Variants in PHF20 observed in about 807,000 individuals in gnomAD.
The protein encoded by PHF20 is glioma-expressed antigen 2.
Under a neutral mutation model 113.5 loss-of-function variants are expected in PHF20, and 23 were observed. The observed-to-expected ratio is 0.20, with a 90% CI of 0.15 to 0.29. The LOEUF is 0.29. Ranked by LOEUF, PHF20 falls within the 10% of genes least tolerant of loss-of-function variation. PHF20 has a pLI of 1.00. For synonymous variants in PHF20, 434 were observed against 457.3 expected (o/e 0.95, Z 0.65); for missense variants, 943 against 1,219.6 (o/e 0.77, Z 3.38).
At chr20:35,792,781 C>G (rs1452866913) in intron 1 of PHF20, among the ~76,000 whole-genome samples, 2 of 152,084 alleles carry the variant, frequency 1.3e-5, no homozygotes, top group East Asian at 3.8e-4. Flanking sequence ...ACCACCATTG[C>G]CATCACCAGT....
At chr20:35,799,043 C>T (rs577626940) in intron 1 of PHF20, among the ~76,000 whole-genome samples, 3 of 152,174 alleles carry the variant, frequency 2.0e-5, no homozygotes, top group African/African-American at 7.2e-5. Flanking sequence ...TAGACATGTA[C>T]TCACTTCTGT....
Position 35,940,946 on chromosome 20 carries a change from T to C in PHF20, c.2795T>C (p.Leu932Pro). ...KLLDRGGEGL[L>P]SSQHQWQFNL... ...CTGGACAGAGGTGGAGAGGGGCTGCTGAGCTCCCAGCACCAGTGGCAGTTT... is the reference window on the plus strand; with the variant it reads ...CTGGACAGAGGTGGAGAGGGGCTGCCGAGCTCCCAGCACCAGTGGCAGTTT... The change falls in exon 17 of 18, where the codon CTG (leucine) becomes CCG (proline). Residue 932 changes from leucine (L) to proline (P), a missense_variant. Leu to Pro is a moderately conservative substitution (Grantham distance 98, BLOSUM62 -3). Coordinates refer to ENST00000374012, the MANE Select transcript of PHF20 (RefSeq NM_016436.5). 1 of 1,614,214 alleles carries C rather than the reference T, an allele frequency of 6.2e-7. No homozygotes were observed. The highest frequency in any genetic ancestry group is 8.5e-7 in the Non-Finnish European group (1 of 1,180,016).
At chr20:35,804,195 G>A (rs1365344261) in intron 2 of PHF20, among the ~76,000 whole-genome samples, 2 of 149,184 alleles carry the variant, frequency 1.3e-5, no homozygotes, top group Non-Finnish European at 3.0e-5. Context: ...CCTCAGCTGG[G>A]ATTACAGGTG....
At chr20:35,886,861 G>A (rs907236791) in intron 9 of PHF20, among the ~76,000 whole-genome samples, 62 of 152,334 alleles carry the variant, frequency 4.1e-4, no homozygotes, top group African/African-American at 1.4e-3. Flanking sequence ...AGGCCAAGCA[G>A]GGGTGTGAAC....
At chr20:35,919,240 C>A (rs1351805570) in intron 13 of PHF20, among the ~76,000 whole-genome samples, 1 of 152,062 alleles carries the variant, frequency 6.6e-6, no homozygotes, top group Non-Finnish European at 1.5e-5. Flanking sequence ...TTGTCTGGAA[C>A]TCCCGACCTC....
chr20:35,855,499 T>A (rs540289336), intron 4 of PHF20: 201 of 139,674 alleles, frequency 1.4e-3, no homozygotes, highest in African/African-American at 4.5e-3. Context: ...TTAATTTTTT[T>A]AAAAATTTTT....
intron 16 of PHF20, 102 bp downstream of exon 16, chr20:35,939,210 G>T: frequency 3.1e-6 from 4 of 1,292,150 alleles, no homozygotes; most frequent in Non-Finnish European, 4.2e-6. Context: ...TAATAAAACT[G>T]TATTTAAATT....
chr20:35,806,791 C>CTTTT (rs751352334), intron 2 of PHF20, among the ~76,000 whole-genome samples: 14 of 113,008 alleles, frequency 1.2e-4, no homozygotes, highest in East Asian at 2.5e-4. Context: ...GACCTTTACT[C>CTTTT]TTTTTTTTTT....
intron 2 of PHF20, among the ~76,000 whole-genome samples, chr20:35,834,256 T>G (rs2042401809): frequency 6.8e-6 from 1 of 147,178 alleles, no homozygotes; most frequent in African/African-American, 2.5e-5. Context: ...GGTTTTTTTT[T>G]TTTTTTTTTT....
chr20:35,897,174 T>C (rs1220853301), intron 9 of PHF20, among the ~76,000 whole-genome samples: 1 of 152,010 alleles, frequency 6.6e-6, no homozygotes, highest in Non-Finnish European at 1.5e-5. Context: ...GCTGGGACTA[T>C]AGGCACATGC....
At chr20:35,799,385 G>A (rs1282168411) in intron 1 of PHF20, among the ~76,000 whole-genome samples, 2 of 148,792 alleles carry the variant, frequency 1.3e-5, no homozygotes, top group East Asian at 4.1e-4. Flanking sequence ...AGTATTGCTT[G>A]AGCCCAGGAG....
At chr20:35,928,118 T>C (rs2055678258) in intron 14 of PHF20, among the ~76,000 whole-genome samples, 1 of 152,148 alleles carries the variant, frequency 6.6e-6, no homozygotes, top group Admixed American at 6.5e-5. Context: ...AGCTAGAACT[T>C]TTCCTTTTCT....
chr20:35,904,805 T>TTCCTTCCTTCCTTCCTTCCTTC (rs2055172721), intron 10 of PHF20, among the ~76,000 whole-genome samples: 8 of 14,900 alleles, frequency 5.4e-4, no homozygotes, highest in African/African-American at 3.2e-3. Context: ...TTCCTTCCTT[T>TTCCTTCCTTCCTTCCTTCCTTC]CTTTTCTTTC....
At chr20:35,837,979 C>G (rs2146930515) in intron 2 of PHF20, among the ~76,000 whole-genome samples, 2 of 152,248 alleles carry the variant, frequency 1.3e-5, no homozygotes, top group East Asian at 3.9e-4. Context: ...AATTTTGCGC[C>G]TTGGCTACTA....
intron 9 of PHF20, chr20:35,878,732 A>T (rs1173881301): frequency 1.5e-5 from 11 of 755,732 alleles, no homozygotes; most frequent in Admixed American, 1.8e-5. Context: ...CCTAAGCCTT[A>T]GAAGAAGAGA....
chr20:35,786,046 CA>C lies in PHF20; in HGVS notation c.-33+13978del, dbSNP rs1321493697. 5.0e-4 allele frequency among the ~76,000 whole-genome samples: 67 copies of C among 133,140 alleles called. No homozygotes were observed. In the East Asian group the frequency reaches 0.012, roughly 23 times the overall value. 87.3% of individuals were successfully genotyped at this position (133,140 alleles called of 152,430 possible). On this transcript the variant is annotated intron_variant, in intron 1 of 17. Transcript: ENST00000374012. The stretch of plus-strand genomic sequence containing the variant: ...AACTCCATCTCAAAAAAAAAAAAAA[CA>C]AAAAAAAAAACAAATCTTGTAAGGA...
At chr20:35,841,685 A>G (rs2042537787) in intron 2 of PHF20, among the ~76,000 whole-genome samples, 1 of 151,900 alleles carries the variant, frequency 6.6e-6, no homozygotes, top group Non-Finnish European at 1.5e-5. Context: ...CAGGAGAATC[A>G]CTTGAATCAG....
chr20:35,844,412 T>G (rs1266361241), intron 3 of PHF20, among the ~76,000 whole-genome samples: 2 of 143,248 alleles, frequency 1.4e-5, no homozygotes, highest in Non-Finnish European at 3.0e-5. Flanking sequence ...GGTTTTTTTT[T>G]TTTGGTTTTT....
At chr20:35,916,008 G>A (rs891233462) in intron 12 of PHF20, among the ~76,000 whole-genome samples, 9 of 152,058 alleles carry the variant, frequency 5.9e-5, no homozygotes, top group African/African-American at 2.2e-4. Flanking sequence ...GTTGTGGCAT[G>A]CACCTGTAAT....
Sources: allele counts gnomAD v4.1 joint callset (sites outside exome capture counted in the v4.1 genomes callset), GRCh38; gene constraint gnomAD v4.1.1; transcripts MANE v1.5; gene names NCBI Gene and HGNC (gene_info 2026-07-23, HGNC 2026-07-21).